Variants in SCAPER observed in about 807,000 individuals in gnomAD.
SCAPER encodes S-phase cyclin A associated protein in the ER, also known as S phase cyclin A-associated protein in the endoplasmic reticulum.
Under a neutral mutation model 182.2 loss-of-function variants are expected in SCAPER, and 98 were observed. The ratio of observed to expected loss-of-function variants is 0.54; its 90% CI spans 0.46 to 0.64. SCAPER has a LOEUF of 0.64. Among genes scored for constraint, SCAPER ranks in the 30% least tolerant of loss-of-function variants. The pLI, the probability that SCAPER is intolerant of heterozygous loss-of-function variation, is 0.00. For missense variants in SCAPER, 1,432 were observed against 1,690.0 expected (o/e 0.85, Z 2.68); for synonymous variants, 605 against 564.6 (o/e 1.07, Z -1.01).
intron 21 of SCAPER, among the ~76,000 whole-genome samples, chr15:76,646,307 T>C (rs921793401): frequency 6.6e-6 from 1 of 152,098 alleles, no homozygotes; most frequent in African/African-American, 2.4e-5. Context: ...CTCTGCCCCA[T>C]TTCAGAATAT....
intron 22 of SCAPER, among the ~76,000 whole-genome samples, chr15:76,590,519 T>C (rs1249335988): frequency 6.6e-6 from 1 of 152,124 alleles, no homozygotes; most frequent in African/African-American, 2.4e-5. Flanking sequence ...GCATGGCTAT[T>C]ATTAAAAAGA....
At chr15:76,742,346 G>A (rs1350272121) in intron 15 of SCAPER, among the ~76,000 whole-genome samples, 15 of 146,258 alleles carry the variant, frequency 1.0e-4, no homozygotes, top group Admixed American at 9.1e-4. Flanking sequence ...GTAATCTAGA[G>A]GAAGAAAGCA....
At chr15:76,492,139 CCT>C (rs1200659457) in intron 24 of SCAPER, among the ~76,000 whole-genome samples, 2 of 151,930 alleles carry the variant, frequency 1.3e-5, no homozygotes, top group Non-Finnish European at 2.9e-5. Context: ...AAAAATATAC[CCT>C]GATTGATGGA....
At chr15:76,717,876 T>C (rs561285573) in intron 17 of SCAPER, among the ~76,000 whole-genome samples, 7 of 152,166 alleles carry the variant, frequency 4.6e-5, no homozygotes, top group Non-Finnish European at 7.4e-5. Flanking sequence ...CTGTCAACAA[T>C]AGATAAACTA....
At chr15:76,701,177 A>G (rs2058927802) in intron 20 of SCAPER, among the ~76,000 whole-genome samples, 1 of 152,044 alleles carries the variant, frequency 6.6e-6, no homozygotes, top group Non-Finnish European at 1.5e-5. Flanking sequence ...CTTTTCCTGG[A>G]CAGCTTGAGT....
chr15:76,658,965 C>T (rs1321895936), intron 21 of SCAPER, among the ~76,000 whole-genome samples: 1 of 152,104 alleles, frequency 6.6e-6, no homozygotes, highest in East Asian at 1.9e-4. Flanking sequence ...ACTATAAAAA[C>T]CCTAGAAGAT....
At chr15:76,777,731 T>A (rs764576057) in intron 8 of SCAPER, among the ~76,000 whole-genome samples, 1 of 151,842 alleles carries the variant, frequency 6.6e-6, no homozygotes, top group Non-Finnish European at 1.5e-5. Context: ...TCAAAGAAGG[T>A]TTGAAATTTC....
At chr15:76,507,612 G>T (rs754453045) in intron 23 of SCAPER, among the ~76,000 whole-genome samples, 2 of 152,022 alleles carry the variant, frequency 1.3e-5, no homozygotes, top group Non-Finnish European at 2.9e-5. Flanking sequence ...CATTAATGAC[G>T]TATCAATTAT....
chr15:76,530,972 T>TACGTATATATGAATATAC (rs1367547213), intron 23 of SCAPER, among the ~76,000 whole-genome samples: 2 of 151,470 alleles, frequency 1.3e-5, no homozygotes, highest in African/African-American at 4.8e-5. Flanking sequence ...TGTGTATATA[T>TACGTATATATGAATATAC]ACGTATATAT....
At chr15:76,820,599 G>T (rs2067461510) in intron 5 of SCAPER, among the ~76,000 whole-genome samples, 1 of 126,492 alleles carries the variant, frequency 7.9e-6, no homozygotes, top group South Asian at 3.1e-4. Flanking sequence ...TGGGTTGGGG[G>T]GAGGGGGGAG....
chr15:76,575,469 C>T (rs368942269), intron 22 of SCAPER, among the ~76,000 whole-genome samples: 1 of 152,200 alleles, frequency 6.6e-6, no homozygotes, highest in African/African-American at 2.4e-5. Flanking sequence ...TTTTCACTTT[C>T]GGCCATAAAA....
chr15:76,753,191 T>C lies in SCAPER; in HGVS notation c.1866+617A>G, dbSNP rs114733484. Among the ~76,000 whole-genome samples, 424 of 151,796 alleles carry C rather than the reference T, an allele frequency of 2.8e-3. 1 individual carries two copies. Among genetic ancestry groups the C allele is most frequent in the African/African-American group, 9.9e-3 (410 of 41,486 alleles). On this transcript the variant is annotated intron_variant, in intron 15 of 31. Coordinates refer to ENST00000563290, the MANE Select transcript of SCAPER (RefSeq NM_020843.4). ...ATTGCCACAGCAGCTATATTTGTAA[T>C]AGAAAAAAACTGGAAAGAAAACACA... is the stretch of plus-strand genomic sequence containing the variant.
At chr15:76,557,636 A>G (rs141269770) in intron 23 of SCAPER, among the ~76,000 whole-genome samples, 13 of 152,278 alleles carry the variant, frequency 8.5e-5, no homozygotes, top group South Asian at 4.1e-4. Flanking sequence ...CACCATGACT[A>G]TAAGTTTCCT....
At chr15:76,739,616 A>G (rs2061445642) in intron 15 of SCAPER, among the ~76,000 whole-genome samples, 1 of 152,198 alleles carries the variant, frequency 6.6e-6, no homozygotes, top group Non-Finnish European at 1.5e-5. Flanking sequence ...AGATTTCACC[A>G]TGGTACTCAC....
At chr15:76,479,041 C>A (rs2050885282) in intron 24 of SCAPER, among the ~76,000 whole-genome samples, 1 of 152,020 alleles carries the variant, frequency 6.6e-6, no homozygotes, top group Non-Finnish European at 1.5e-5. Flanking sequence ...TGTCCTAATG[C>A]CCTCTGTGCT....
chr15:76,375,843 G>C (rs2141889739), intron 29 of SCAPER, among the ~76,000 whole-genome samples: 1 of 152,322 alleles, frequency 6.6e-6, no homozygotes, highest in African/African-American at 2.4e-5. Context: ...AAATTAGCCA[G>C]ATGTGGTGGC....
At chr15:76,759,532 C>T (rs1277180649) in intron 14 of SCAPER, among the ~76,000 whole-genome samples, 1 of 152,136 alleles carries the variant, frequency 6.6e-6, no homozygotes, top group African/African-American at 2.4e-5. Flanking sequence ...TCCTAAAGAA[C>T]CCACCTCTTA....
At chr15:76,436,419 T>C (rs908005873) in intron 25 of SCAPER, among the ~76,000 whole-genome samples, 7 of 152,176 alleles carry the variant, frequency 4.6e-5, no homozygotes, top group African/African-American at 1.7e-4. Context: ...AAATACTTTT[T>C]CTCTGGCTGT....
chr15:76,553,891 G>C (rs2045978161), intron 23 of SCAPER, among the ~76,000 whole-genome samples: 1 of 152,198 alleles, frequency 6.6e-6, no homozygotes, highest in Non-Finnish European at 1.5e-5. Context: ...AAGAACTAGT[G>C]CAAGAATTCT....
Sources: allele counts gnomAD v4.1 joint callset (sites outside exome capture counted in the v4.1 genomes callset), GRCh38; gene constraint gnomAD v4.1.1; transcripts MANE v1.5; gene names NCBI Gene and HGNC (gene_info 2026-07-23, HGNC 2026-07-21).